Variants in MLN observed in about 807,000 individuals in gnomAD.
MLN encodes motilin.
Under a neutral mutation model 13.3 loss-of-function variants are expected in MLN, and 14 were observed. The ratio of observed to expected loss-of-function variants is 1.05; its 90% CI spans 0.69 to 1.64. The LOEUF (loss-of-function observed/expected upper bound fraction) is 1.64. Among genes scored for constraint, MLN ranks in the 40% most tolerant of loss-of-function variants. MLN has a pLI of 0.00. For synonymous variants in MLN, 59 were observed against 54.7 expected (o/e 1.08, Z -0.34); for missense variants, 122 against 142.9 (o/e 0.85, Z 0.75).
intron 3 of MLN, among the ~76,000 whole-genome samples, chr6:33,795,897 G>A (rs1767905747): frequency 6.6e-6 from 1 of 152,004 alleles, no homozygotes; most frequent in Admixed American, 6.5e-5. Context: ...CTCATGGGGA[G>A]GGAATTCACT....
At position 33,803,344 on chromosome 6, in the gene MLN, G is replaced by A. The variant is rs932922273; in HGVS notation, c.-8+609C>T. ...TTTTTCTGAGATGGAGTCTCGCTCT[G>A]TCTCCCAGGCTAGAGTGCAGTGGCG... On this transcript the variant is annotated intron_variant, in intron 1 of 4. Coordinates refer to ENST00000430124, the MANE Select transcript of MLN (RefSeq NM_002418.3). This position sits in a 1 kb window ranked among gnomAD's most constrained non-coding sequence, Gnocchi z 4.5. Among the ~76,000 whole-genome samples, 10 of 136,868 alleles carry A rather than the reference G, an allele frequency of 7.3e-5. No homozygotes were observed. Among genetic ancestry groups the A allele is most frequent in the Admixed American group, 2.4e-4 (3 of 12,416 alleles). 89.8% of individuals were successfully genotyped at this position (136,868 alleles called of 152,430 possible). A position where few individuals can be genotyped will look rare whatever the true frequency, so the allele number is the denominator to read the frequency against.
intron 4 of MLN, 68 bp from the exon 5 acceptor site, chr6:33,794,903 C>T: frequency 6.3e-7 from 1 of 1,592,962 alleles, no homozygotes; most frequent in South Asian, 1.1e-5. Context: ...CCCTCTAAAA[C>T]TTGCCTGCAG....
intron 1 of MLN, among the ~76,000 whole-genome samples, chr6:33,801,855 G>A (rs1760837129): frequency 6.6e-6 from 1 of 152,266 alleles, no homozygotes; most frequent in Non-Finnish European, 1.5e-5. Context: ...GCAGGGAGCA[G>A]GCTTCCTCTT....
At chr6:33,801,192 T>G in intron 1 of MLN, 22 bp from the exon 2 acceptor site, 17 of 1,581,844 alleles carry the variant, frequency 1.1e-5, no homozygotes, top group South Asian at 2.2e-5. Context: ...CAAGGAGCTC[T>G]TGTCACTAAG....
In MLN at chr6:33,801,217, G is replaced by A; in HGVS notation, c.-7-47C>T. 2.1e-6 allele frequency: 3 copies of A among 1,406,966 alleles called. No individual in the cohort carries two copies. The South Asian group carries it at 3.5e-5, about 16-fold the overall frequency. The allele number at this position is 1,406,966 out of a possible 1,614,324, so 87.2% of individuals were successfully genotyped here. A position where few individuals can be genotyped will look rare whatever the true frequency, so the allele number is the denominator to read the frequency against. On this transcript the variant is annotated intron_variant, in intron 1 of 4. Coordinates refer to ENST00000430124, the MANE Select transcript of MLN (RefSeq NM_002418.3). ...TTGTCACTAAGTTTGGGGTACAGTG[G>A]CAGACTGCTGTGTCCGAGGCAGGGG...
chr6:33,795,248 T>G (rs1767885328), intron 4 of MLN, among the ~76,000 whole-genome samples: 1 of 152,254 alleles, frequency 6.6e-6, no homozygotes, highest in East Asian at 1.9e-4. Context: ...TGTGGTGATG[T>G]TGTGGAAGGG....
chr6:33,797,339 A>G (rs928195151), intron 3 of MLN, among the ~76,000 whole-genome samples: 4 of 152,044 alleles, frequency 2.6e-5, no homozygotes, highest in Non-Finnish European at 5.9e-5. Flanking sequence ...AATTCCCTCT[A>G]ACCACGGATG....
chr6:33,797,924 C>T (rs1767961805), intron 3 of MLN, among the ~76,000 whole-genome samples: 1 of 152,182 alleles, frequency 6.6e-6, no homozygotes, highest in Admixed American at 6.5e-5. Context: ...ACAGTCTGCC[C>T]CTACCCCTCT....
chr6:33,801,028 G>T lies in MLN; in HGVS notation c.117+19C>A. ...TGACCTCAGCCTTGCTAGCAGGGCA[G>T]GCAGCAGGGGGTTCTTACCTGCATC... is the stretch of plus-strand genomic sequence containing the variant. On this transcript the variant is annotated intron_variant, in intron 2 of 4. Transcript: ENST00000430124. The T allele has an allele frequency of 6.3e-7, 1 of 1,581,462 alleles. No homozygotes were observed. Among genetic ancestry groups the T allele is most frequent in the Non-Finnish European group, 8.7e-7 (1 of 1,150,514 alleles).
In MLN at chr6:33,799,905, C is replaced by T. The variant is rs1358628996; in HGVS notation, c.118-684G>A. ...ACTGAGATCCTCATTCCTTTGCTTT[C>T]TCTAATGACACTCTTGGGACTCTGC... On this transcript the variant is annotated intron_variant, in intron 2 of 4. Coordinates refer to ENST00000430124, the MANE Select transcript of MLN (RefSeq NM_002418.3). The surrounding 1 kb of genome is among the most constrained non-coding windows in gnomAD (Gnocchi z 4.6). Among the ~76,000 whole-genome samples, 1 of 152,206 alleles carries T rather than the reference C, an allele frequency of 6.6e-6. No individual in the cohort carries two copies. Among genetic ancestry groups the T allele is most frequent in the Non-Finnish European group, 1.5e-5 (1 of 68,044 alleles).
chr6:33,796,145 G>C (rs1428857603), intron 3 of MLN, among the ~76,000 whole-genome samples: 2 of 152,050 alleles, frequency 1.3e-5, no homozygotes, highest in Non-Finnish European at 2.9e-5. Flanking sequence ...ATTTTTAGTA[G>C]AGACGGGGTT....
intron 3 of MLN, among the ~76,000 whole-genome samples, chr6:33,796,599 G>T (rs1190734952): frequency 4.6e-5 from 7 of 152,170 alleles, no homozygotes; most frequent in Non-Finnish European, 1.0e-4. Flanking sequence ...CTGCTCCCCT[G>T]CCTCCCACCG....
Position 33,800,175 on chromosome 6 carries a change from G to A in MLN, c.117+872C>T, listed in dbSNP as rs111803193. Among the ~76,000 whole-genome samples the A allele has an allele frequency of 8.4e-3, 1,285 of 152,266 alleles. 8 individuals carry two copies. The highest frequency in any genetic ancestry group is 0.013 in the Non-Finnish European group (854 of 68,026). On this transcript the variant is annotated intron_variant, in intron 2 of 4. Coordinates refer to ENST00000430124, the MANE Select transcript of MLN (RefSeq NM_002418.3). ...CAGACAGGCTGTGCCCCAGAGCCTC[G>A]AGACCTCCCTGGGCACTAACTCATG...
At chr6:33,801,510 C>A (rs1760829720) in intron 1 of MLN, among the ~76,000 whole-genome samples, 1 of 152,308 alleles carries the variant, frequency 6.6e-6, no homozygotes, top group South Asian at 2.1e-4. Flanking sequence ...GCAGGAGGGA[C>A]CTCATCTTTC....
In MLN at chr6:33,794,742, C is replaced by G. The variant is rs1034920563; in HGVS notation, c.*83G>C. ...AAGGGTGTTTTCCTTCCAAGCCCAG[C>G]TGGCAGGCTCTGTAAATTCCCAGGG... On this transcript the variant is annotated 3_prime_UTR_variant, in exon 5 of 5. Transcript: ENST00000430124. The G allele has an allele frequency of 7.0e-5, 108 of 1,541,894 alleles. No homozygotes were observed. Among genetic ancestry groups the G allele is most frequent in the Admixed American group, 5.5e-4 (29 of 52,602 alleles).
Position 33,796,111 on chromosome 6 carries a change from T to C in MLN, c.235-506A>G, listed in dbSNP as rs1037279756. 2.6e-5 allele frequency among the ~76,000 whole-genome samples: 4 copies of C among 152,092 alleles called. No homozygotes were observed. In the South Asian group the frequency reaches 8.3e-4, roughly 32 times the overall value. The stretch of plus-strand genomic sequence containing the variant: ...AGTAGCTGGGACTACAGGCGCCCGC[T>C]ACCACGCCCGGCTAATTTTTTGTAT... On this transcript the variant is annotated intron_variant, in intron 3 of 4. Coordinates refer to ENST00000430124, the MANE Select transcript of MLN (RefSeq NM_002418.3).
intron 1 of MLN, among the ~76,000 whole-genome samples, chr6:33,802,946 G>C (rs977962739): frequency 1.3e-5 from 2 of 152,140 alleles, no homozygotes; most frequent in Non-Finnish European, 2.9e-5. Flanking sequence ...AGAGGCTATA[G>C]ATCCTGTTTC....
chr6:33,796,478 C>T (rs1044199606), intron 3 of MLN, among the ~76,000 whole-genome samples: 6 of 152,320 alleles, frequency 3.9e-5, no homozygotes, highest in African/African-American at 1.2e-4. Context: ...TTGATCTCCC[C>T]GTCCCCGCTC....
intron 4 of MLN, 95 bp from the exon 5 acceptor site, chr6:33,794,930 G>A: frequency 1.3e-6 from 2 of 1,492,998 alleles, no homozygotes; most frequent in Admixed American, 3.7e-5. Flanking sequence ...GGGAGGAGGG[G>A]GCACAAGGGC....
Sources: allele counts gnomAD v4.1 joint callset (sites outside exome capture counted in the v4.1 genomes callset), GRCh38; gene constraint gnomAD v4.1.1; non-coding constraint Gnocchi (gnomAD v3.1); transcripts MANE v1.5; gene names NCBI Gene and HGNC (gene_info 2026-07-23, HGNC 2026-07-21).